WNK3: variants seen among roughly 807,000 people sequenced by gnomAD.
WNK3 encodes the protein serine/threonine-protein kinase WNK3.
Under a neutral mutation model 116.7 loss-of-function variants are expected in WNK3, and 18 were observed. That is an observed-to-expected ratio of 0.15 (90% confidence interval 0.11 to 0.23). The LOEUF (loss-of-function observed/expected upper bound fraction) is 0.23, where lower values mean the gene tolerates loss of function less well. WNK3 is among the 10% of genes least tolerant of loss of function. WNK3 has a pLI of 1.00. For missense variants in WNK3, 993 were observed against 1,323.8 expected (o/e 0.75, Z 3.88); for synonymous variants, 404 against 469.4 (o/e 0.86, Z 1.80).
At chrX:54,357,474 G>A (rs1189233029) in intron 1 of WNK3, among the ~76,000 whole-genome samples, 1 of 111,657 alleles carries the variant, frequency 9.0e-6, no homozygotes. Context: ...CCCTTAGCCC[G>A]GAGCCCGGCC....
chrX:54,206,356 T>C (rs998013358), intron 22 of WNK3, among the ~76,000 whole-genome samples: 7 of 111,307 alleles, frequency 6.3e-5, no homozygotes, highest in African/African-American at 2.0e-4. Flanking sequence ...CGCTACTGCA[T>C]TCCTACCTGG....
At position 54,252,669 on chromosome X, in the gene WNK3, CAAAAA is replaced by C; in HGVS notation, c.2368-987_2368-983del. Among the ~76,000 whole-genome samples, 3 of 50,964 alleles carry C rather than the reference CAAAAA, an allele frequency of 5.9e-5. No individual in the cohort carries two copies. The Middle Eastern group carries it at 0.045, about 772-fold the overall frequency. 44.3% of individuals were successfully genotyped at this position (50,964 alleles called of 115,157 possible). On this transcript the variant is annotated intron_variant, in intron 13 of 23. Transcript: ENST00000354646. ...TGGGCAATAGAGCGAGACTCTGTCT[CAAAAA>C]AAAAAAAAAAAAATAGCTCGGAAGA...
chrX:54,222,386 A>T (rs1218877810), intron 22 of WNK3, among the ~76,000 whole-genome samples: 1 of 108,361 alleles, frequency 9.2e-6, no homozygotes, highest in Non-Finnish European at 1.9e-5. Context: ...GCCTGTATTT[A>T]AAAAAAAATT....
chrX:54,348,169 T>C (rs1463418250), intron 1 of WNK3, among the ~76,000 whole-genome samples: 2 of 109,328 alleles, frequency 1.8e-5, no homozygotes, highest in Non-Finnish European at 3.8e-5. Context: ...TGAACTAGAA[T>C]TGCTAGATCA....
rs939905882 is a variant in WNK3, at chrX:54,333,534, G to C, written c.140C>G (p.Ser47Cys). The C allele has an allele frequency of 2.5e-6, 3 of 1,209,805 alleles. No homozygotes were observed. The highest frequency in any genetic ancestry group is 3.4e-6 in the Non-Finnish European group (3 of 895,165). Residue 47 changes from serine (S) to cysteine (C), a missense_variant, in exon 2 of 24, where the codon TCT becomes TGT. Around this residue, in one of 4 missense-constraint regions of WNK3, gnomAD observed 92 missense variants for 98.7 expected, o/e 0.93. Transcript: ENST00000354646. ...CCTTTCTACAGTTTCCCCAGAAGCAGAGAAGGTACTGTTTTTCTCCTTTAG... is the reference window on the plus strand; with the variant it reads ...CCTTTCTACAGTTTCCCCAGAAGCACAGAAGGTACTGTTTTTCTCCTTTAG...
intron 1 of WNK3, among the ~76,000 whole-genome samples, chrX:54,339,872 C>T (rs2069295389): frequency 8.9e-6 from 1 of 111,872 alleles, no homozygotes; most frequent in African/African-American, 3.2e-5. Flanking sequence ...TAAGAAGCTG[C>T]ACCTCGGCTG....
chrX:54,309,336 C>T, intron 3 of WNK3, 21 bp from the exon 4 acceptor site: 1 of 1,128,162 alleles, frequency 8.9e-7, no homozygotes, highest in South Asian at 1.9e-5. Context: ...AAACAAAAGA[C>T]CATGTGTAAA....
intron 10 of WNK3, among the ~76,000 whole-genome samples, chrX:54,285,066 T>C (rs1385541345): frequency 1.8e-5 from 2 of 111,349 alleles, no homozygotes; most frequent in East Asian, 5.6e-4. Flanking sequence ...ATATATATTA[T>C]ATTGTTCCAT....
exon 24 of WNK3, chrX:54,197,027 A>G (rs2067449574): frequency 8.9e-6 from 1 of 112,274 alleles, no homozygotes; most frequent in Non-Finnish European, 1.9e-5. Flanking sequence ...ACTGCAGGAC[A>G]GTGTATACCC....
intron 1 of WNK3, among the ~76,000 whole-genome samples, chrX:54,339,643 T>C (rs1557176042): frequency 8.9e-6 from 1 of 111,928 alleles, no homozygotes; most frequent in East Asian, 2.8e-4. Context: ...AGAACAGTTA[T>C]TTCAACCAAA....
At chrX:54,345,780 AG>A (rs1557177453) in intron 1 of WNK3, among the ~76,000 whole-genome samples, 1 of 101,702 alleles carries the variant, frequency 9.8e-6, no homozygotes, top group Non-Finnish European at 2.0e-5. Flanking sequence ...AGTGAGACTC[AG>A]TATCAAAAAA....
At chrX:54,237,487 A>G in exon 20 of WNK3, 1 of 1,191,927 alleles carries the variant, frequency 8.4e-7, no homozygotes, top group Non-Finnish European at 1.1e-6. Context: ...CTCACTGAAC[A>G]CTGATATGTG....
chrX:54,358,690 G>A (rs1406232461), upstream of WNK3: 1 of 113,134 alleles, frequency 8.8e-6, no homozygotes, highest in South Asian at 3.6e-4. Flanking sequence ...ACCAAAGCAG[G>A]GATGGGAAAG....
At chrX:54,331,804 G>T (rs1168402833) in intron 2 of WNK3, among the ~76,000 whole-genome samples, 1 of 111,792 alleles carries the variant, frequency 8.9e-6, no homozygotes, top group Admixed American at 9.6e-5. Context: ...AAACAGTAAA[G>T]TTTGGAAACC....
chrX:54,210,140 A>C (rs2067597335), intron 22 of WNK3, among the ~76,000 whole-genome samples: 1 of 111,959 alleles, frequency 8.9e-6, no homozygotes, highest in Non-Finnish European at 1.9e-5. Context: ...GTTTTGAAAG[A>C]GCACTATTGG....
chrX:54,266,453 G>GT (rs1372231191), intron 10 of WNK3, among the ~76,000 whole-genome samples: 2 of 111,695 alleles, frequency 1.8e-5, no homozygotes, highest in East Asian at 5.6e-4. Context: ...TAATTAGATT[G>GT]TAACACAAAG....
At position 54,238,203 on chromosome X, in the gene WNK3, A is replaced by G. The variant is rs1368009377; in HGVS notation, c.4014+139T>C. On this transcript the variant is annotated intron_variant, in intron 19 of 23. Transcript: ENST00000354646. The stretch of plus-strand genomic sequence containing the variant: ...AGCTAAGATCACACCATTGCACTCC[A>G]ACTGGGCAACAAGAGTGAAACTCCA... 8.0e-6 allele frequency: 6 copies of G among 749,665 alleles called. No individual in the cohort carries two copies. In the African/African-American group the frequency reaches 8.8e-5, roughly 11 times the overall value. 61.8% of individuals were successfully genotyped at this position (749,665 alleles called of 1,213,427 possible).
chrX:54,349,092 T>C (rs781895392), intron 1 of WNK3, among the ~76,000 whole-genome samples: 2 of 112,186 alleles, frequency 1.8e-5, no homozygotes, highest in Non-Finnish European at 3.8e-5. Context: ...TCCCAGCACG[T>C]TGGGAGGCCC....
chrX:54,211,924 C>T (rs2495789), intron 22 of WNK3, among the ~76,000 whole-genome samples: 19,534 of 105,023 alleles, frequency 0.19, 3,485 homozygotes, highest in African/African-American at 0.56. Flanking sequence ...ATTTAGAACT[C>T]AAAAAAAAAA....
Sources: allele counts gnomAD v4.1 joint callset (sites outside exome capture counted in the v4.1 genomes callset), GRCh38; gene constraint gnomAD v4.1.1; regional missense constraint gnomAD v4.1.1; transcripts MANE v1.5; gene names NCBI Gene and HGNC (gene_info 2026-07-23, HGNC 2026-07-21).